The following SERPINB6 variants were observed in gnomAD, a reference collection of about 807,000 sequenced individuals.
The protein encoded by SERPINB6 is serpin family B member 6, also known as serpin B6.
Under a neutral mutation model 26.1 loss-of-function variants are expected in SERPINB6, and 16 were observed. That is an observed-to-expected ratio of 0.61 (90% confidence interval 0.42 to 0.93). The LOEUF (loss-of-function observed/expected upper bound fraction) is 0.93, where lower values mean the gene tolerates loss of function less well. Ranked by LOEUF, SERPINB6 falls within the 40% of genes least tolerant of loss-of-function variation. The pLI, the probability that SERPINB6 is intolerant of heterozygous loss-of-function variation, is 0.00. For synonymous variants in SERPINB6, 174 were observed against 176.6 expected (o/e 0.99, Z 0.11); for missense variants, 420 against 478.0 (o/e 0.88, Z 1.13).
chr6:2,949,075 A>G lies in SERPINB6; in HGVS notation c.574-6T>C. ...TGCACAGGTTTCTCCTCATTCTACA[A>G]AGAAAACAGATAAACATCAAGTTGA... On this transcript the variant is annotated splice_polypyrimidine_tract_variant and splice_region_variant and intron_variant, in intron 5 of 6. Coordinates refer to ENST00000380539, the MANE Select transcript of SERPINB6 (RefSeq NM_004568.6). 6.2e-7 allele frequency: 1 copy of G among 1,613,924 alleles called. No homozygotes were observed. Among genetic ancestry groups the G allele is most frequent in the South Asian group, 1.1e-5 (1 of 91,060 alleles).
At chr6:2,962,119 GCTGAT>G in intron 1 of SERPINB6, 1 of 985,406 alleles carries the variant, frequency 1.0e-6, no homozygotes, top group South Asian at 4.7e-5. Context: ...TGTTTCAGGC[GCTGAT>G]CTTTATATCA....
chr6:2,968,564 A>G, intron 1 of SERPINB6: 2 of 1,198,366 alleles, frequency 1.7e-6, no homozygotes, highest in Non-Finnish European at 2.1e-6. Context: ...TTTGCCTTCT[A>G]TACTAATTCT....
chr6:2,970,175 G>T (rs1227917205), intron 1 of SERPINB6: 1 of 984,964 alleles, frequency 1.0e-6, no homozygotes, highest in Non-Finnish European at 1.2e-6. Flanking sequence ...ATCTGCTTGG[G>T]TGCCCTTATT....
At chr6:2,966,081 C>A (rs944144317) in intron 1 of SERPINB6, among the ~76,000 whole-genome samples, 1 of 152,176 alleles carries the variant, frequency 6.6e-6, no homozygotes, top group South Asian at 2.1e-4. Context: ...TTGCATAGAC[C>A]AGTGTTGTAT....
rs559978240 is a variant in SERPINB6 at position 2,967,957 on chromosome 6, A to G, written c.-11+3576T>C. ...CCATTACTGAGTATACAACCAGAGGAGAGAGGAATAGAAATCATTCTCCCA... is the reference window on the plus strand; with the variant it reads ...CCATTACTGAGTATACAACCAGAGGGGAGAGGAATAGAAATCATTCTCCCA... On this transcript the variant is annotated intron_variant, in intron 1 of 6. Coordinates refer to ENST00000380539, the MANE Select transcript of SERPINB6 (RefSeq NM_004568.6). This position sits in a 1 kb window ranked among gnomAD's most constrained non-coding sequence, Gnocchi z 4.3. 1 of 152,070 alleles carries G rather than the reference A, an allele frequency of 6.6e-6. No individual in the cohort carries two copies. Among genetic ancestry groups the G allele is most frequent in the Non-Finnish European group, 1.5e-5 (1 of 67,980 alleles). The allele number at this position is 152,070 out of a possible 1,614,324, so 9.4% of individuals were successfully genotyped here.
At chr6:2,953,739 G>A (rs1770090007) in intron 4 of SERPINB6, among the ~76,000 whole-genome samples, 1 of 152,166 alleles carries the variant, frequency 6.6e-6, no homozygotes, top group African/African-American at 2.4e-5. Flanking sequence ...GGAGACTGAA[G>A]CAGGAGGACC....
intron 2 of SERPINB6, chr6:2,956,104 G>A (rs1465130456): frequency 2.6e-5 from 5 of 195,662 alleles, no homozygotes; most frequent in Non-Finnish European, 5.3e-5. Context: ...TCTGATTAAA[G>A]GCCAGAAGGG....
At position 2,948,268 on chromosome 6, in the gene SERPINB6, G is replaced by T; in HGVS notation, c.*30C>A. ...GTGGAGTGTCAGGGGACAGAGAGGA[G>T]AGGGGCTGCACACCAAGACTGCCCT... is the stretch of plus-strand genomic sequence containing the variant. On this transcript the variant is annotated 3_prime_UTR_variant, in exon 7 of 7. Transcript: ENST00000380539. The surrounding 1 kb of genome is among the most constrained non-coding windows in gnomAD (Gnocchi z 5.0). 1 of 1,612,226 alleles carries T rather than the reference G, an allele frequency of 6.2e-7. No homozygotes were observed. The highest frequency in any genetic ancestry group is 8.5e-7 in the Non-Finnish European group (1 of 1,179,678).
intron 1 of SERPINB6, chr6:2,968,722 TG>T: frequency 8.1e-7 from 1 of 1,231,530 alleles, no homozygotes; most frequent in Non-Finnish European, 1.0e-6. Context: ...TAACAACCCT[TG>T]GATGTCAGTA....
In SERPINB6 at chr6:2,948,446, G is replaced by A. The variant is rs376116821; in HGVS notation, c.983C>T (p.Thr328Met). The change falls in exon 7 of 7, where the codon ACG becomes ATG. Residue 328 changes from threonine to methionine, a missense_variant. Coordinates refer to ENST00000380539, the MANE Select transcript of SERPINB6 (RefSeq NM_004568.6). This position sits in a 1 kb window ranked among gnomAD's most constrained non-coding sequence, Gnocchi z 5.0. ...KSFVEVNEEG[T>M]EAAAATAAIM... The stretch of plus-strand genomic sequence containing the variant: ...GGCAGCTGTGGCGGCTGCAGCCTCC[G>A]TGCCTTCCTCATTGACCTCCACAAA... 85 of 1,614,030 alleles carry A rather than the reference G, an allele frequency of 5.3e-5. 1 individual carries two copies. The highest frequency in any genetic ancestry group is 4.2e-4 in the Admixed American group (25 of 60,008).
chr6:2,968,448 T>A, intron 1 of SERPINB6: 1 of 953,532 alleles, frequency 1.0e-6, no homozygotes, highest in African/African-American at 2.3e-5. Flanking sequence ...TGAACCTAAA[T>A]AGAGGTTTAA....
intron 2 of SERPINB6, chr6:2,955,927 A>C: frequency 9.2e-5 from 36 of 391,466 alleles, no homozygotes; most frequent in Admixed American, 1.5e-4. Flanking sequence ...ACACACAAAA[A>C]TGAGCTGGGC....
intron 5 of SERPINB6, among the ~76,000 whole-genome samples, chr6:2,950,688 G>GA (rs1769688560): frequency 6.6e-6 from 1 of 152,192 alleles, no homozygotes; most frequent in South Asian, 2.1e-4. Flanking sequence ...CAGCCAATGA[G>GA]AAAGACTGGA....
chr6:2,953,238 G>A (rs755035738), intron 4 of SERPINB6, 52 bp from the exon 5 acceptor site: 12 of 1,611,950 alleles, frequency 7.4e-6, no homozygotes, highest in Admixed American at 1.7e-5. Context: ...GCGGATCCCC[G>A]ACACATCAGG....
intron 1 of SERPINB6, chr6:2,966,763 T>G: frequency 5.0e-6 from 1 of 200,356 alleles, no homozygotes; most frequent in Non-Finnish European, 8.9e-6. Flanking sequence ...TACCAAACCA[T>G]TTTAGATTTT....
intron 1 of SERPINB6, chr6:2,969,785 T>TGC (rs1771960797): frequency 1.0e-6 from 1 of 984,198 alleles, no homozygotes. Flanking sequence ...TGTGTGTGTG[T>TGC]GTTGTGTGTG....
At position 2,967,751 on chromosome 6, in the gene SERPINB6, C is replaced by T. The variant is rs575936679; in HGVS notation, c.-11+3782G>A. On this transcript the variant is annotated intron_variant, in intron 1 of 6. Transcript: ENST00000380539. This position sits in a 1 kb window ranked among gnomAD's most constrained non-coding sequence, Gnocchi z 4.3. ...AATCAAAACCACAATGAGATACCATCTCACGCCAGTCAGAATGGCTATTAT... is the reference window on the plus strand; with the variant it reads ...AATCAAAACCACAATGAGATACCATTTCACGCCAGTCAGAATGGCTATTAT... 6.6e-6 allele frequency: 1 copy of T among 152,338 alleles called. No individual in the cohort carries two copies. Among genetic ancestry groups the T allele is most frequent in the South Asian group, 2.1e-4 (1 of 4,826 alleles). The allele number at this position is 152,338 out of a possible 1,614,324, so 9.4% of individuals were successfully genotyped here.
Position 2,970,085 on chromosome 6 carries a change from T to G in SERPINB6, c.-11+1448A>C, listed in dbSNP as rs963773086. ...AAAAAAAAAAAAAAAAAATTTTCTT[T>G]CTTTGGATGCCTTGGCTTAATCCCA... On this transcript the variant is annotated intron_variant, in intron 1 of 6. Transcript: ENST00000380539. 75 of 985,056 alleles carry G rather than the reference T, an allele frequency of 7.6e-5. No individual in the cohort carries two copies. The African/African-American group carries it at 1.2e-3, about 15-fold the overall frequency. The allele number at this position is 985,056 out of a possible 1,614,324, so 61.0% of individuals were successfully genotyped here.
At chr6:2,949,156 G>T in intron 5 of SERPINB6, 87 bp from the exon 6 acceptor site, 1 of 1,448,448 alleles carries the variant, frequency 6.9e-7, no homozygotes, top group Non-Finnish European at 9.5e-7. Flanking sequence ...ACTCTCTGCA[G>T]GGAGAAACGC....
Sources: gnomAD v4.1 joint callset for allele counts (sites outside exome capture counted in the v4.1 genomes callset) on GRCh38, gnomAD v4.1.1 for gene constraint, Gnocchi (gnomAD v3.1) non-coding constraint, MANE v1.5 for transcripts, NCBI Gene and HGNC (gene_info 2026-07-23, HGNC 2026-07-21) for gene names.